The following TTC14 variants were observed in gnomAD, a reference collection of about 807,000 sequenced individuals.
TTC14 encodes tetratricopeptide repeat protein 14.
A neutral mutation model predicts 79.9 loss-of-function variants in TTC14; 63 were observed. The observed-to-expected ratio is 0.79, with a 90% CI of 0.64 to 0.97. The LOEUF is 0.97. Ranked by LOEUF, TTC14 falls within the 50% of genes least tolerant of loss-of-function variation. TTC14 has a pLI of 0.00. For synonymous variants in TTC14, 335 were observed against 309.6 expected, an observed-to-expected ratio of 1.08 and a Z score of -0.86; for missense variants, 895 against 894.0, an observed-to-expected ratio of 1.00 and a Z score of -0.01.
chr3:180,608,927 A>G (rs1560074827), intron 11 of TTC14, 117 bp downstream of exon 11: 1 of 1,248,298 alleles, frequency 8.0e-7, no homozygotes. Context: ...CCAATCAGTG[A>G]CTGTTAAGAA....
At chr3:180,611,667 A>G (rs1013210304), downstream of TTC14, among the ~76,000 whole-genome samples, 12 of 152,202 alleles carry the variant, frequency 7.9e-5, no homozygotes, top group African/African-American at 1.9e-4. Context: ...GGAGACAGAT[A>G]GAGATAGGAG....
chr3:180,605,634 T>C, intron 6 of TTC14, 132 bp from the exon 7 acceptor site: 1 of 626,016 alleles, frequency 1.6e-6, no homozygotes, highest in South Asian at 2.2e-5. Flanking sequence ...AAGATTTTGG[T>C]ATGTAAATAG....
rs1576915500 is a variant in TTC14, at chr3:180,602,270, G to A, written c.9G>A (p.Arg3=). ...CCCTGCATTCTCTAGCCATGGACCG[G>A]GACCTTTTGCGGCAGTCGCTAAATT... The part of the protein sequence containing the change: MD[R]DLLRQSLNCH... The change falls in exon 1 of 12, where the codon CGG becomes CGA. Residue 3 remains arginine, a synonymous_variant. Transcript: ENST00000296015. 6.2e-7 allele frequency: 1 copy of A among 1,613,978 alleles called. No homozygotes were observed. The highest frequency in any genetic ancestry group is 8.5e-7 in the Non-Finnish European group (1 of 1,180,012).
intron 8 of TTC14, 54 bp from the exon 9 acceptor site, chr3:180,606,427 G>A: frequency 1.2e-6 from 2 of 1,612,986 alleles, no homozygotes; most frequent in Non-Finnish European, 8.5e-7. Flanking sequence ...ATGCGAACAA[G>A]ATTTATGAAG....
At position 180,604,580 on chromosome 3, in the gene TTC14, G is replaced by T; in HGVS notation, c.674G>T (p.Ser225Ile). ...HLSGIKLGVI[S>I]SEELPLYYRR... ...TCTGGTATTAAATTAGGTGTAATTA[G>T]CTCTGAAGAGCTTCCTTTATACTAC... Residue 225 changes from serine (S) to isoleucine (I), a missense_variant, in exon 5 of 12, where the codon AGC (serine) becomes ATC (isoleucine). Physicochemically the swap from Ser to Ile is moderately radical, Grantham distance 142. Transcript: ENST00000296015. 2 of 1,607,732 alleles carry T rather than the reference G, an allele frequency of 1.2e-6. No homozygotes were observed. Among genetic ancestry groups the T allele is most frequent in the Non-Finnish European group, 1.7e-6 (2 of 1,178,198 alleles).
chr3:180,608,616 G>A (rs907094033), intron 10 of TTC14, 85 bp from the exon 11 acceptor site: 87 of 1,363,706 alleles, frequency 6.4e-5, no homozygotes, highest in East Asian at 5.7e-5. Context: ...TGGGTTTCTC[G>A]TTGGGGGTGG....
At chr3:180,603,638 G>A (rs879655546) in intron 3 of TTC14, 5 of 311,438 alleles carry the variant, frequency 1.6e-5, no homozygotes, top group Non-Finnish European at 3.0e-5. Context: ...TTGAACATAT[G>A]TATTCTTAAT....
At chr3:180,607,397 T>C (rs891154489) in intron 9 of TTC14, among the ~76,000 whole-genome samples, 3 of 152,206 alleles carry the variant, frequency 2.0e-5, no homozygotes, top group Non-Finnish European at 2.9e-5. Context: ...CCATTTATCA[T>C]GGGTTTTTGT....
Position 180,605,804 on chromosome 3 carries a change from G to GA in TTC14, c.903dup (p.Gln302ThrfsTer15), listed in dbSNP as rs1560072646. 1 of 1,570,188 alleles carries GA rather than the reference G, an allele frequency of 6.4e-7. No homozygotes were observed. Among genetic ancestry groups the GA allele is most frequent in the African/African-American group, 1.4e-5 (1 of 71,114 alleles). On this transcript the variant is annotated frameshift_variant, in exon 7 of 12. Coordinates refer to ENST00000296015, the MANE Select transcript of TTC14 (RefSeq NM_133462.4). LOFTEE classifies it high-confidence loss of function. ...GAAGATGATTTTGCTTCTGCATTGA[G>GA]AAAAAAACAATCCGCATCTTGGGCT...
intron 11 of TTC14, chr3:180,609,262 C>G (rs1716858814): frequency 4.6e-6 from 4 of 861,022 alleles, no homozygotes; most frequent in Non-Finnish European, 5.6e-6. Flanking sequence ...ACCCCCACCC[C>G]CTACCAAGAA....
chr3:180,616,845 A>G lies in TTC14; in HGVS notation c.1775-535A>G, dbSNP rs377454931. 42 of 1,610,190 alleles carry G rather than the reference A, an allele frequency of 2.6e-5. No individual in the cohort carries two copies. Among genetic ancestry groups the G allele is most frequent in the Non-Finnish European group, 3.3e-5 (39 of 1,177,616 alleles). On this transcript the variant is annotated intron_variant, in intron 12 of 12. Coordinates refer to the TTC14 transcript ENST00000382584. ...CGATACCTGTTTGGTCACTCTTTCT[A>G]ATTTTGGCTTCTGCTCCTCCGTTTC...
chr3:180,606,905 G>A (rs542890238), intron 9 of TTC14, among the ~76,000 whole-genome samples: 1 of 152,252 alleles, frequency 6.6e-6, no homozygotes, highest in South Asian at 2.1e-4. Flanking sequence ...AATGATTGGA[G>A]CAGCTTTTTA....
downstream of TTC14, among the ~76,000 whole-genome samples, chr3:180,618,267 T>C (rs1009480555): frequency 6.6e-6 from 1 of 152,186 alleles, no homozygotes; most frequent in Non-Finnish European, 1.5e-5. Context: ...AAATTTTTTA[T>C]GTAATTCAAC....
chr3:180,604,179 ATCAAAGCTTG>A, intron 3 of TTC14, 36 bp from the exon 4 acceptor site: 1 of 1,522,846 alleles, frequency 6.6e-7, no homozygotes, highest in East Asian at 2.3e-5. Flanking sequence ...CACTGTTCTT[ATCAAAGCTTG>A]AAATGTCTGG....
Position 180,606,459 on chromosome 3 carries a change from T to G in TTC14, c.1050-22T>G. 4 of 1,613,448 alleles carry G rather than the reference T, an allele frequency of 2.5e-6. No homozygotes were observed. In the South Asian group the frequency reaches 4.4e-5, roughly 18 times the overall value. The stretch of plus-strand genomic sequence containing the variant: ...GAAGAGCTTGTGAGATACAGCCCTC[T>G]ATCTTTGTTTCATGTCTCTAGATAT... On this transcript the variant is annotated intron_variant, in intron 8 of 11. Coordinates refer to ENST00000296015, the MANE Select transcript of TTC14 (RefSeq NM_133462.4).
At chr3:180,608,202 CATCCACAA>C in intron 10 of TTC14, 1 of 991,592 alleles carries the variant, frequency 1.0e-6, no homozygotes, top group Non-Finnish European at 1.2e-6. Context: ...TGCTCATCCC[CATCCACAA>C]ACTGGAAAAT....
At chr3:180,608,120 C>T in intron 10 of TTC14, 2 of 1,019,364 alleles carry the variant, frequency 2.0e-6, no homozygotes, top group Non-Finnish European at 2.3e-6. Flanking sequence ...TCCTGTAATA[C>T]TGATGATGAT....
chr3:180,604,716 C>T, intron 5 of TTC14, 109 bp downstream of exon 5: 1 of 1,433,052 alleles, frequency 7.0e-7, no homozygotes, highest in Non-Finnish European at 9.4e-7. Context: ...TAAAAGGAAA[C>T]CATATCATAA....
In TTC14 at chr3:180,610,854, C is replaced by A. The variant is rs1289762873; in HGVS notation, c.*312C>A. 1.0e-6 allele frequency: 1 copy of A among 994,052 alleles called. No individual in the cohort carries two copies. Among genetic ancestry groups the A allele is most frequent in the Non-Finnish European group, 1.2e-6 (1 of 835,678 alleles). The allele number at this position is 994,052 out of a possible 1,614,324, so 61.6% of individuals were successfully genotyped here. On this transcript the variant is annotated 3_prime_UTR_variant, in exon 12 of 12. Transcript: ENST00000296015. ...CATTCTATTGCGGTATATGAGAATT[C>A]CTGGGTGCATCTTATTCTGCTGTTT...
Sources: allele counts gnomAD v4.1 joint callset (sites outside exome capture counted in the v4.1 genomes callset), GRCh38; gene constraint gnomAD v4.1.1; transcripts MANE v1.5; gene names NCBI Gene and HGNC (gene_info 2026-07-23, HGNC 2026-07-21).